Variants in TRPM3 observed in about 807,000 individuals in gnomAD.
TRPM3 encodes transient receptor potential cation channel subfamily M member 3, also known as long transient receptor potential channel 3.
TRPM3 carries 77 observed loss-of-function variants against 181.2 expected under a neutral mutation model. The ratio of observed to expected loss-of-function variants is 0.42; its 90% CI spans 0.35 to 0.51. TRPM3 has a LOEUF of 0.51. Among genes scored for constraint, TRPM3 ranks in the 20% least tolerant of loss-of-function variants. TRPM3 has a pLI of 0.01. For missense variants in TRPM3, 1,759 were observed against 2,196.7 expected (o/e 0.80, Z 3.98); for synonymous variants, 745 against 796.4 (o/e 0.94, Z 1.09).
intron 1 of TRPM3, among the ~76,000 whole-genome samples, chr9:71,175,412 C>A (rs1026049603): frequency 4.6e-5 from 7 of 152,122 alleles, no homozygotes; most frequent in African/African-American, 1.7e-4. Flanking sequence ...CTGAGGTGGG[C>A]AAACAAGGGA....
intron 6 of TRPM3, chr9:70,793,699 T>C (rs1201343167): frequency 4.3e-6 from 2 of 468,662 alleles, no homozygotes; most frequent in South Asian, 1.6e-5. Context: ...TATGAAAACC[T>C]GGCAGGAAAA....
intron 22 of TRPM3, among the ~76,000 whole-genome samples, chr9:70,584,985 A>G (rs2056805436): frequency 1.3e-5 from 2 of 152,188 alleles, no homozygotes; most frequent in Admixed American, 6.5e-5. Context: ...ATCCTGTGAT[A>G]TGTACCAAGT....
At chr9:70,877,199 G>A (rs953425944) in intron 1 of TRPM3, among the ~76,000 whole-genome samples, 2 of 151,810 alleles carry the variant, frequency 1.3e-5, no homozygotes, top group African/African-American at 4.8e-5. Flanking sequence ...GCCCAGGTTC[G>A]TTACTGGATC....
chr9:71,280,114 C>T (rs1263568307), intron 1 of TRPM3, among the ~76,000 whole-genome samples: 1 of 151,576 alleles, frequency 6.6e-6, no homozygotes, highest in African/African-American at 2.4e-5. Flanking sequence ...ATAAGGTTCT[C>T]CCCTTTTATT....
chr9:71,282,042 C>A (rs1305965370), intron 1 of TRPM3, among the ~76,000 whole-genome samples: 1 of 143,726 alleles, frequency 7.0e-6, no homozygotes, highest in Non-Finnish European at 1.5e-5. Context: ...GCCTGGGCAA[C>A]AAGGGCAAAA....
At chr9:71,117,390 G>C (rs928401395) in intron 1 of TRPM3, among the ~76,000 whole-genome samples, 1 of 151,964 alleles carries the variant, frequency 6.6e-6, no homozygotes, top group Non-Finnish European at 1.5e-5. Context: ...CGTGGTTTTT[G>C]CCATTAAAAA....
Position 71,443,978 on chromosome 9 carries a change from A to C in TRPM3, c.183+2675T>G, listed in dbSNP as rs1439197097. Among the ~76,000 whole-genome samples the C allele has an allele frequency of 3.9e-5, 6 of 152,108 alleles. No individual in the cohort carries two copies. In the East Asian group the frequency reaches 1.2e-3, roughly 29 times the overall value. ...GGCAGATCACGAGGTCAGGAGATCG[A>C]GACCATCCTGGCCAACATGGTGAAA... On this transcript the variant is annotated intron_variant, in intron 1 of 24. Coordinates refer to the TRPM3 transcript ENST00000357533.
At chr9:71,108,669 T>C (rs1447215167) in intron 1 of TRPM3, among the ~76,000 whole-genome samples, 1 of 152,108 alleles carries the variant, frequency 6.6e-6, no homozygotes. Context: ...AAGAAAAGTA[T>C]AAAGTAGATG....
chr9:71,388,019 G>A (rs1054592020), intron 1 of TRPM3, among the ~76,000 whole-genome samples: 34 of 152,146 alleles, frequency 2.2e-4, no homozygotes, highest in African/African-American at 7.7e-4. Flanking sequence ...CTAAGAAGAT[G>A]AAGGGTTCTT....
chr9:71,338,802 T>G (rs531764191), intron 1 of TRPM3, among the ~76,000 whole-genome samples: 3 of 152,298 alleles, frequency 2.0e-5, no homozygotes, highest in Admixed American at 6.5e-5. Context: ...AGCATCTTAC[T>G]TGATAGAGAA....
At chr9:71,435,997 C>A (rs965294643) in intron 1 of TRPM3, among the ~76,000 whole-genome samples, 2 of 152,166 alleles carry the variant, frequency 1.3e-5, no homozygotes, top group African/African-American at 4.8e-5. Context: ...ACCCAAATCT[C>A]AACTTGAATT....
At chr9:71,151,053 A>T (rs10780990) in intron 1 of TRPM3, among the ~76,000 whole-genome samples, 96,646 of 152,098 alleles carry the variant, frequency 0.64, 32,958 homozygotes, top group East Asian at 0.8. Flanking sequence ...CTATTCTCTA[A>T]CCAAATAAAT....
intron 25 of TRPM3, among the ~76,000 whole-genome samples, chr9:70,545,548 C>CTTTTCT (rs1554733806): frequency 5.3e-5 from 6 of 113,340 alleles, no homozygotes; most frequent in Admixed American, 3.2e-4. Flanking sequence ...AATTTTCTTT[C>CTTTTCT]TTTTTTTTTT....
At chr9:71,431,461 T>C (rs568440682) in intron 1 of TRPM3, among the ~76,000 whole-genome samples, 17 of 152,166 alleles carry the variant, frequency 1.1e-4, no homozygotes, top group Non-Finnish European at 2.1e-4. Context: ...CTGCAGACAA[T>C]ATAGTTTCAT....
chr9:71,034,436 A>G (rs1204908400), intron 1 of TRPM3, among the ~76,000 whole-genome samples: 1 of 152,150 alleles, frequency 6.6e-6, no homozygotes, highest in East Asian at 1.9e-4. Flanking sequence ...CATTCATACA[A>G]TTTTAGGTGA....
At chr9:71,009,550 A>T (rs2097714395) in intron 1 of TRPM3, among the ~76,000 whole-genome samples, 2 of 152,156 alleles carry the variant, frequency 1.3e-5, no homozygotes, top group Admixed American at 1.3e-4. Flanking sequence ...CTCTACAATA[A>T]AAACTATAAA....
At chr9:71,279,334 C>A (rs184737840) in intron 1 of TRPM3, among the ~76,000 whole-genome samples, 3 of 152,072 alleles carry the variant, frequency 2.0e-5, no homozygotes, top group African/African-American at 7.2e-5. Flanking sequence ...AGTTACACAA[C>A]GGAGCTCAAA....
intron 1 of TRPM3, among the ~76,000 whole-genome samples, chr9:71,374,342 C>T (rs2092609226): frequency 6.6e-6 from 1 of 152,110 alleles, no homozygotes; most frequent in Non-Finnish European, 1.5e-5. Flanking sequence ...CCACTGCACT[C>T]CAGTCTGGGC....
At chr9:71,404,119 T>C (rs924867912) in intron 1 of TRPM3, among the ~76,000 whole-genome samples, 4 of 152,200 alleles carry the variant, frequency 2.6e-5, no homozygotes, top group African/African-American at 4.8e-5. Context: ...CCTGGCCATC[T>C]TTATAAAACA....
Sources: allele counts gnomAD v4.1 joint callset (sites outside exome capture counted in the v4.1 genomes callset), GRCh38; gene constraint gnomAD v4.1.1; transcripts MANE v1.5; gene names NCBI Gene and HGNC (gene_info 2026-07-23, HGNC 2026-07-21).